ATP8B3: variants seen among roughly 807,000 people sequenced by gnomAD.
ATP8B3 encodes the protein ATPase phospholipid transporting 8B3, also known as phospholipid-transporting ATPase IK.
A neutral mutation model predicts 140.9 loss-of-function variants in ATP8B3; 141 were observed. The observed-to-expected ratio is 1.00, with a 90% CI of 0.87 to 1.15. The LOEUF is 1.15. Ranked by LOEUF, ATP8B3 falls within the 50% of genes most tolerant of loss-of-function variation. The pLI is 0.00. For missense variants in ATP8B3, 1,874 were observed against 1,740.6 expected (o/e 1.08, Z -1.36); for synonymous variants, 765 against 714.6 (o/e 1.07, Z -1.13).
Position 1,800,491 on chromosome 19 carries a change from TC to T in ATP8B3, c.1153-43del. 1 of 1,534,062 alleles carries T rather than the reference TC, an allele frequency of 6.5e-7. No individual in the cohort carries two copies. The highest frequency in any genetic ancestry group is 8.9e-7 in the Non-Finnish European group (1 of 1,117,870). Reference sequence around the variant, plus strand: ...ACAGGGTGGGTGAGGGGGGCGGGGGTCCCCCACTCTGCCATCAGGATGGGGT... The same window carrying T: ...ACAGGGTGGGTGAGGGGGGCGGGGGTCCCCACTCTGCCATCAGGATGGGGT... On this transcript the variant is annotated intron_variant, in intron 12 of 28. Transcript: ENST00000310127. The surrounding 1 kb of genome is among the most constrained non-coding windows in gnomAD (Gnocchi z 4.4).
intron 20 of ATP8B3, 81 bp from the exon 21 acceptor site, chr19:1,790,913 A>C (rs1053463056): frequency 2.5e-5 from 32 of 1,298,404 alleles, no homozygotes; most frequent in Admixed American, 4.2e-5. Context: ...TGCCCGGTGA[A>C]TCCTGGCCCG....
In ATP8B3 at chr19:1,807,231, C is replaced by T. The variant is rs758675783; in HGVS notation, c.552G>A (p.Ser184=). ...IPDISTLPWF[S]LSTPMVCLLF... The stretch of plus-strand genomic sequence containing the variant: ...GGAGGCAGACCATAGGGGTACTGAG[C>T]GAGAACCAGGGCAGCGTGGAGATGT... The change falls in exon 6 of 29, where the codon TCG becomes TCA. Residue 184 remains serine (S), a synonymous_variant. Coordinates refer to ENST00000310127, the MANE Select transcript of ATP8B3 (RefSeq NM_138813.4). This position sits in a 1 kb window ranked among gnomAD's most constrained non-coding sequence, Gnocchi z 5.9. The T allele has an allele frequency of 9.9e-6, 16 of 1,612,764 alleles. No individual in the cohort carries two copies. The highest frequency in any genetic ancestry group is 1.4e-5 in the Non-Finnish European group (16 of 1,179,704).
intron 10 of ATP8B3, among the ~76,000 whole-genome samples, chr19:1,804,327 C>T (rs187021872): frequency 1.0e-3 from 155 of 152,082 alleles, no homozygotes; most frequent in Admixed American, 3.3e-3. Flanking sequence ...AACCCCGTCT[C>T]GGCCGGGTGC....
intron 10 of ATP8B3, 51 bp from the exon 11 acceptor site, chr19:1,802,696 C>T: frequency 6.4e-7 from 1 of 1,567,980 alleles, no homozygotes. Flanking sequence ...CCCTCCTCCC[C>T]AGGTTCCCTG....
At position 1,807,946 on chromosome 19, in the gene ATP8B3, G is replaced by A. The variant is rs115128340; in HGVS notation, c.516+276C>T. Among the ~76,000 whole-genome samples, 2,276 of 152,314 alleles carry A rather than the reference G, an allele frequency of 0.015. 64 individuals carry two copies. The highest frequency in any genetic ancestry group is 0.051 in the African/African-American group (2,129 of 41,560). On this transcript the variant is annotated intron_variant, in intron 5 of 28. Transcript: ENST00000310127. This position sits in a 1 kb window ranked among gnomAD's most constrained non-coding sequence, Gnocchi z 5.9. ...CCGAGGCCGTTTAGGCTGGGGAACA[G>A]CTATGCCTCCCGATGCCCAGCCCTG...
Position 1,792,139 on chromosome 19 carries a change from G to A in ATP8B3, c.2056-4C>T. Reference sequence around the variant, plus strand: ...GCAGGGTCTCCTGGGCAAAGGCCTGGGGGCCGGGCAGGTGGAAGCTGTCAC... The same window carrying A: ...GCAGGGTCTCCTGGGCAAAGGCCTGAGGGCCGGGCAGGTGGAAGCTGTCAC... On this transcript the variant is annotated splice_region_variant and splice_polypyrimidine_tract_variant and intron_variant, in intron 18 of 28. Coordinates refer to ENST00000310127, the MANE Select transcript of ATP8B3 (RefSeq NM_138813.4). 6.4e-7 allele frequency: 1 copy of A among 1,570,346 alleles called. No individual in the cohort carries two copies. Among genetic ancestry groups the A allele is most frequent in the Non-Finnish European group, 8.6e-7 (1 of 1,165,658 alleles).
intron 24 of ATP8B3, among the ~76,000 whole-genome samples, 195 bp from the exon 25 acceptor site, chr19:1,787,381 T>C (rs956882058): frequency 1.3e-5 from 2 of 152,048 alleles, no homozygotes; most frequent in African/African-American, 4.8e-5. Context: ...GAAAGCATGA[T>C]CAAATTCCCT....
chr19:1,802,067 C>CCGGGGGGGGGGGG, intron 11 of ATP8B3, 23 bp from the exon 12 acceptor site: 1 of 1,465,004 alleles, frequency 6.8e-7, no homozygotes, highest in Admixed American at 2.1e-5. Flanking sequence ...ATCCATCTAT[C>CCGGGGGGGGGGGG]CACCCACCCA....
intron 20 of ATP8B3, among the ~76,000 whole-genome samples, chr19:1,791,071 C>G (rs2068494212): frequency 6.6e-6 from 1 of 152,236 alleles, no homozygotes. Flanking sequence ...TGTCTGAGGC[C>G]AGGATCAGCA....
chr19:1,790,764 CCTT>C lies in ATP8B3; in HGVS notation c.2368_2370del (p.Lys790del), dbSNP rs1568626694. Reference sequence around the variant, plus strand: ...CAACTCCCCACTTCTTACCTAATCTCCTTCTCCTCCAGAATGAGCATATTCTCT... The same window carrying C: ...CAACTCCCCACTTCTTACCTAATCTCCTCCTCCAGAATGAGCATATTCTCT... On this transcript the variant is annotated inframe_deletion, in exon 21 of 29. Coordinates refer to ENST00000310127, the MANE Select transcript of ATP8B3 (RefSeq NM_138813.4). The C allele has an allele frequency of 3.8e-6, 6 of 1,598,892 alleles. No individual in the cohort carries two copies. The African/African-American group carries it at 4.1e-5, about 11-fold the overall frequency.
At chr19:1,785,778 T>G in intron 25 of ATP8B3, 70 bp from the exon 26 acceptor site, 2 of 1,487,526 alleles carry the variant, frequency 1.3e-6, no homozygotes, top group Admixed American at 2.0e-5. Flanking sequence ...CAGGATCTCC[T>G]CGGGCAGGCC....
In ATP8B3 at chr19:1,792,015, G is replaced by A; in HGVS notation, c.2176C>T (p.Gln726Ter). The A allele has an allele frequency of 6.4e-7, 1 of 1,555,602 alleles. No homozygotes were observed. Among genetic ancestry groups the A allele is most frequent in the Non-Finnish European group, 8.7e-7 (1 of 1,150,130 alleles). ...EASLLLQNRA[Q>*]ALQQLLGATA... Reference sequence around the variant, plus strand: ...TCGTTGTACACCTGTTGCAGGGCCTGTGCCCGGTTCTGCAGCAGGAGGCTG... The same window carrying A: ...TCGTTGTACACCTGTTGCAGGGCCTATGCCCGGTTCTGCAGCAGGAGGCTG... The change falls in exon 19 of 29, where the codon CAG becomes TAG. Residue 726 changes from glutamine to a stop codon, truncating the protein, a stop_gained. Coordinates refer to ENST00000310127, the MANE Select transcript of ATP8B3 (RefSeq NM_138813.4). LOFTEE classifies it high-confidence loss of function.
chr19:1,789,343 C>CCCG lies in ATP8B3; in HGVS notation c.2845+15_2845+17dup. 1.3e-6 allele frequency: 2 copies of CCCG among 1,493,090 alleles called. No individual in the cohort carries two copies. The highest frequency in any genetic ancestry group is 1.8e-6 in the Non-Finnish European group (2 of 1,118,486). The allele number at this position is 1,493,090 out of a possible 1,614,324, so 92.5% of individuals were successfully genotyped here. A position where few individuals can be genotyped will look rare whatever the true frequency, so the allele number is the denominator to read the frequency against. On this transcript the variant is annotated intron_variant, in intron 23 of 28. Transcript: ENST00000310127. Reference sequence around the variant, plus strand: ...CCCACTCGTCCCAGGCACCCCCAGCCCCGCCGCCGCCACCCACTCTTGATC... The same window carrying CCCG: ...CCCACTCGTCCCAGGCACCCCCAGCCCCGCCGCCGCCGCCACCCACTCTTGATC...
At chr19:1,787,030 C>A in intron 25 of ATP8B3, 73 bp downstream of exon 25, 1 of 1,400,094 alleles carries the variant, frequency 7.1e-7, no homozygotes, top group Non-Finnish European at 9.8e-7. Context: ...CCTCTCCCCG[C>A]CCCAAGGAGC....
intron 14 of ATP8B3, among the ~76,000 whole-genome samples, chr19:1,797,323 T>A (rs1172132495): frequency 6.8e-6 from 1 of 147,788 alleles, no homozygotes; most frequent in Non-Finnish European, 1.5e-5. Flanking sequence ...GGATGCGGGC[T>A]AGGGACCCCA....
chr19:1,808,909 A>G (rs2069106534), intron 4 of ATP8B3, among the ~76,000 whole-genome samples: 1 of 152,164 alleles, frequency 6.6e-6, no homozygotes, highest in South Asian at 2.1e-4. Flanking sequence ...ATGGTGGCTC[A>G]CCCCTGTAAT....
chr19:1,788,669 C>T (rs563171738), intron 24 of ATP8B3, among the ~76,000 whole-genome samples: 1 of 152,248 alleles, frequency 6.6e-6, no homozygotes, highest in Admixed American at 6.5e-5. Context: ...CAAAACGAAA[C>T]AAATATCCTG....
rs1270632491 is a variant in ATP8B3, at chr19:1,789,477, A to T, written c.2729T>A (p.Ile910Asn). 1.3e-6 allele frequency: 2 copies of T among 1,597,594 alleles called. No homozygotes were observed. Among genetic ancestry groups the T allele is most frequent in the African/African-American group, 2.7e-5 (2 of 74,388 alleles). Residue 910 changes from isoleucine to asparagine, a missense_variant, in exon 23 of 29, where the codon ATC becomes AAC. Physicochemically the swap from Ile to Asn is moderately radical, Grantham distance 149 (BLOSUM62 -3). Coordinates refer to ENST00000310127, the MANE Select transcript of ATP8B3 (RefSeq NM_138813.4). Reference protein sequence around the residue: ...VDLASKCQAVICCRVTPKQKA... With the variant: ...VDLASKCQAVNCCRVTPKQKA... Reference sequence around the variant, plus strand: ...CTGCTTGGGCGTCACGCGGCAGCAGATGACCGCCTGGCACTTGGACGCCAG... The same window carrying T: ...CTGCTTGGGCGTCACGCGGCAGCAGTTGACCGCCTGGCACTTGGACGCCAG...
chr19:1,802,617 A>G lies in ATP8B3; in HGVS notation c.933T>C (p.Ser311=). 1.2e-6 allele frequency: 2 copies of G among 1,611,332 alleles called. No individual in the cohort carries two copies. Among genetic ancestry groups the G allele is most frequent in the Non-Finnish European group, 1.7e-6 (2 of 1,179,434 alleles). Residue 311 remains serine (S), a synonymous_variant, in exon 11 of 29, where the codon AGT becomes AGC. Coordinates refer to ENST00000310127, the MANE Select transcript of ATP8B3 (RefSeq NM_138813.4). ...QGTVTCEAPN[S]RMHHFVGCLE... ...GGCACCCCACGAAGTGGTGCATCCG[A>G]CTGTTAGGCGCCTCACACGTCACTG...
Sources: allele counts gnomAD v4.1 joint callset (sites outside exome capture counted in the v4.1 genomes callset), GRCh38; gene constraint gnomAD v4.1.1; non-coding constraint Gnocchi (gnomAD v3.1); transcripts MANE v1.5; gene names NCBI Gene and HGNC (gene_info 2026-07-23, HGNC 2026-07-21).